Variants in GRIN3A observed in about 807,000 individuals in gnomAD.
GRIN3A encodes glutamate receptor ionotropic, NMDA 3A.
A neutral mutation model predicts 92.4 loss-of-function variants in GRIN3A; 47 were observed. The ratio of observed to expected loss-of-function variants is 0.51; its 90% CI spans 0.40 to 0.65. The LOEUF (loss-of-function observed/expected upper bound fraction) is 0.65. GRIN3A is among the 30% of genes least tolerant of loss of function. The pLI is 0.00. For synonymous variants in GRIN3A, 527 were observed against 540.6 expected, an observed-to-expected ratio of 0.97 and a Z score of 0.35; for missense variants, 1,324 against 1,393.1, an observed-to-expected ratio of 0.95 and a Z score of 0.79.
chr9:101,632,998 C>G (rs1002467510), intron 3 of GRIN3A, among the ~76,000 whole-genome samples: 1 of 152,126 alleles, frequency 6.6e-6, no homozygotes, highest in Non-Finnish European at 1.5e-5. Context: ...TAAGGTTAAA[C>G]TGTCTATTTG....
chr9:101,720,016 C>A (rs1259608199), intron 1 of GRIN3A, among the ~76,000 whole-genome samples: 4 of 152,088 alleles, frequency 2.6e-5, no homozygotes, highest in Non-Finnish European at 1.5e-5. Context: ...ATGGGAGCAT[C>A]CAAGATAAAC....
At chr9:101,699,415 C>CA (rs1564147491) in intron 1 of GRIN3A, among the ~76,000 whole-genome samples, 1 of 151,900 alleles carries the variant, frequency 6.6e-6, no homozygotes, top group African/African-American at 2.4e-5. Flanking sequence ...CTAAAATAAC[C>CA]ATAAACAGTA....
At chr9:101,607,118 T>C (rs2118836128) in intron 6 of GRIN3A, among the ~76,000 whole-genome samples, 1 of 150,956 alleles carries the variant, frequency 6.6e-6, no homozygotes, top group South Asian at 2.1e-4. Context: ...TGCAATTTCC[T>C]AAGTGACTCT....
chr9:101,629,982 A>T (rs1564130539), intron 3 of GRIN3A, among the ~76,000 whole-genome samples: 1 of 152,214 alleles, frequency 6.6e-6, no homozygotes, highest in Non-Finnish European at 1.5e-5. Flanking sequence ...GGAGGAACTC[A>T]CCAGGCTTTT....
chr9:101,617,044 C>CA (rs1828466798), intron 5 of GRIN3A, among the ~76,000 whole-genome samples: 1 of 150,200 alleles, frequency 6.7e-6, no homozygotes, highest in African/African-American at 2.5e-5. Context: ...ACTAAAAATA[C>CA]AAAAAATTAG....
intron 3 of GRIN3A, among the ~76,000 whole-genome samples, chr9:101,640,781 T>C (rs1469253335): frequency 6.6e-6 from 1 of 152,170 alleles, no homozygotes; most frequent in Non-Finnish European, 1.5e-5. Flanking sequence ...GCACAGGCTC[T>C]CCTTCTCTGC....
chr9:101,703,528 C>T (rs1829778392), intron 1 of GRIN3A, among the ~76,000 whole-genome samples: 1 of 152,280 alleles, frequency 6.6e-6, no homozygotes, highest in East Asian at 1.9e-4. Flanking sequence ...AATTATCTTA[C>T]TTAGTTCTTC....
chr9:101,584,680 A>G (rs1827928972), intron 6 of GRIN3A, among the ~76,000 whole-genome samples: 1 of 152,232 alleles, frequency 6.6e-6, no homozygotes, highest in Admixed American at 6.5e-5. Context: ...TTACTAGCCA[A>G]CACATTTCTA....
At position 101,670,581 on chromosome 9, in the gene GRIN3A, C is replaced by T. The variant is rs1829303817; in HGVS notation, c.1831G>A (p.Gly611Arg). The T allele has an allele frequency of 6.2e-7, 1 of 1,614,050 alleles. No individual in the cohort carries two copies. The highest frequency in any genetic ancestry group is 8.5e-7 in the Non-Finnish European group (1 of 1,179,976). ...TCACCCACTAGCCCAGTCCAGTGCC[C>T]ATTTTTCCATGCTCCATACTTTCCA... ...GDGKYGAWKN[G>R]HWTGLVGDLL... is the part of the protein sequence containing the mutation. Residue 611 changes from glycine (G) to arginine (R), a missense_variant, in exon 3 of 9, where the codon GGG (glycine) becomes AGG (arginine). Transcript: ENST00000361820.
intron 1 of GRIN3A, among the ~76,000 whole-genome samples, chr9:101,691,006 A>C (rs1829609379): frequency 6.6e-6 from 1 of 152,162 alleles, no homozygotes; most frequent in Admixed American, 6.5e-5. Flanking sequence ...CAGAAATTAC[A>C]ATAATAAAAG....
At chr9:101,599,997 T>C (rs1828190717) in intron 6 of GRIN3A, among the ~76,000 whole-genome samples, 1 of 152,220 alleles carries the variant, frequency 6.6e-6, no homozygotes, top group African/African-American at 2.4e-5. Context: ...TGGTTTTCTT[T>C]TGTAATACTG....
chr9:101,585,868 G>A (rs11788456), intron 6 of GRIN3A, among the ~76,000 whole-genome samples: 82,170 of 151,954 alleles, frequency 0.54, 22,368 homozygotes, highest in Middle Eastern at 0.57. Context: ...TGTCTCTTGC[G>A]GAGTAAATTC....
intron 4 of GRIN3A, among the ~76,000 whole-genome samples, chr9:101,626,722 C>T (rs190303792): frequency 2.0e-3 from 312 of 152,348 alleles, no homozygotes; most frequent in African/African-American, 6.8e-3. Flanking sequence ...GTTGCTGGAA[C>T]ATGGACTATT....
intron 6 of GRIN3A, among the ~76,000 whole-genome samples, chr9:101,580,580 TC>T (rs1318869862): frequency 2.6e-5 from 4 of 152,136 alleles, no homozygotes. Context: ...AACATGGAAA[TC>T]ATCTAGTTCA....
rs1304399212 is a variant in GRIN3A, at chr9:101,573,186, A to C, written c.3336T>G (p.Thr1112=). ...GCAGTGTGGTCACCTAGGACTCACAAGTCCGACTTGTCCTTTGATACTCCT... is the reference window on the plus strand; with the variant it reads ...GCAGTGTGGTCACCTAGGACTCACACGTCCGACTTGTCCTTTGATACTCCT... ...ELEEYQRTSR[T]CES is the part of the protein sequence containing the mutation. The change falls in exon 9 of 9, where the codon ACT becomes ACG. Residue 1112 remains threonine (T), a synonymous_variant. Coordinates refer to ENST00000361820, the MANE Select transcript of GRIN3A (RefSeq NM_133445.3). 1.7e-5 allele frequency: 27 copies of C among 1,613,902 alleles called. No homozygotes were observed. The highest frequency in any genetic ancestry group is 1.6e-4 in the Middle Eastern group (1 of 6,082).
intron 3 of GRIN3A, among the ~76,000 whole-genome samples, chr9:101,631,769 G>C (rs777834731): frequency 2.0e-5 from 3 of 152,180 alleles, no homozygotes; most frequent in African/African-American, 4.8e-5. Flanking sequence ...CAGACTCCAG[G>C]AGAGAAAGCA....
Position 101,738,306 on chromosome 9 carries a change from G to GC in GRIN3A, c.-328dup, listed in dbSNP as rs1395273279. Reference sequence around the variant, plus strand: ...CCGCCCCATCTGCAGGGCGCCTCGGGCACTGCGTCCGGCCCCGCGAGGCGG... The same window carrying GC: ...CCGCCCCATCTGCAGGGCGCCTCGGGCCACTGCGTCCGGCCCCGCGAGGCGG... On this transcript the variant is annotated 5_prime_UTR_variant, in exon 1 of 9. Transcript: ENST00000361820. The GC allele has an allele frequency of 2.7e-6, 1 of 376,246 alleles. No individual in the cohort carries two copies. Among genetic ancestry groups the GC allele is most frequent in the African/African-American group, 2.2e-5 (1 of 45,706 alleles). 23.3% of individuals were successfully genotyped at this position (376,246 alleles called of 1,614,324 possible).
At position 101,577,924 on chromosome 9, in the gene GRIN3A, C is replaced by T. The variant is rs923116785; in HGVS notation, c.2932-80G>A. 7.0e-6 allele frequency: 7 copies of T among 1,001,440 alleles called. No homozygotes were observed. The Admixed American group carries it at 1.2e-4, about 17-fold the overall frequency. 62.0% of individuals were successfully genotyped at this position (1,001,440 alleles called of 1,614,324 possible). A position where few individuals can be genotyped will look rare whatever the true frequency, so the allele number is the denominator to read the frequency against. On this transcript the variant is annotated intron_variant, in intron 7 of 8. Transcript: ENST00000361820. ...GAACAAAGAACCACTTGAGATGTAA[C>T]AGTATATGTAGTCGTTACAAACCTT...
At chr9:101,631,794 C>T (rs1396979172) in intron 3 of GRIN3A, among the ~76,000 whole-genome samples, 2 of 152,212 alleles carry the variant, frequency 1.3e-5, no homozygotes, top group Non-Finnish European at 2.9e-5. Flanking sequence ...ATTAGCCTGA[C>T]AGGGACCTCA....
Sources: allele counts gnomAD v4.1 joint callset (sites outside exome capture counted in the v4.1 genomes callset), GRCh38; gene constraint gnomAD v4.1.1; transcripts MANE v1.5; gene names NCBI Gene and HGNC (gene_info 2026-07-23, HGNC 2026-07-21).